The following MOB2 variants were observed in gnomAD, a reference collection of about 807,000 sequenced individuals.
The protein encoded by MOB2 is MOB kinase activator 2, also known as MOB2 Mps One Binder homolog.
In MOB2, 14 loss-of-function variants were observed where a neutral mutation model predicts 27.4. The ratio of observed to expected loss-of-function variants is 0.51; its 90% CI spans 0.34 to 0.80. The LOEUF (loss-of-function observed/expected upper bound fraction) is 0.80, where lower values mean the gene tolerates loss of function less well. Ranked by LOEUF, MOB2 falls within the 30% of genes least tolerant of loss-of-function variation. The pLI is 0.01. For synonymous variants in MOB2, 167 were observed against 151.8 expected, an observed-to-expected ratio of 1.10 and a Z score of -0.74; for missense variants, 304 against 354.6, an observed-to-expected ratio of 0.86 and a Z score of 1.15.
intron 3 of MOB2, among the ~76,000 whole-genome samples, chr11:1,477,308 C>T (rs1305199357): frequency 6.6e-6 from 1 of 152,184 alleles, no homozygotes; most frequent in African/African-American, 2.4e-5. Flanking sequence ...TGGTCACTTC[C>T]TTCCTCGGAG....
intron 3 of MOB2, among the ~76,000 whole-genome samples, 177 bp downstream of exon 3, chr11:1,480,216 T>C (rs1342296219): frequency 6.6e-6 from 1 of 152,214 alleles, no homozygotes; most frequent in Non-Finnish European, 1.5e-5. Flanking sequence ...GCTGGGCCAC[T>C]GGCCCAGCCT....
chr11:1,486,633 G>C lies in MOB2; in HGVS notation c.-77C>G. Reference sequence around the variant, plus strand: ...CCAGCACTCGCAAATGCCTGCTGCCGGGCCCTCCAGCCTCACTCCCTGGCC... The same window carrying C: ...CCAGCACTCGCAAATGCCTGCTGCCCGGCCCTCCAGCCTCACTCCCTGGCC... On this transcript the variant is annotated 5_prime_UTR_variant, in exon 1 of 5. Coordinates refer to ENST00000329957, the MANE Select transcript of MOB2 (RefSeq NM_001172223.3). 1.0e-6 allele frequency: 1 copy of C among 983,566 alleles called. No homozygotes were observed. The highest frequency in any genetic ancestry group is 1.5e-6 in the Non-Finnish European group (1 of 654,966). The allele number at this position is 983,566 out of a possible 1,614,324, so 60.9% of individuals were successfully genotyped here. A position where few individuals can be genotyped will look rare whatever the true frequency, so the allele number is the denominator to read the frequency against.
chr11:1,481,144 C>T (rs1342271060), intron 1 of MOB2: 4 of 616,318 alleles, frequency 6.5e-6, no homozygotes, highest in Admixed American at 4.6e-5. Context: ...CGGGCCCCTG[C>T]ACGGAGGGCA....
chr11:1,469,835 A>C lies in MOB2; in HGVS notation c.*337T>G. ...CCCCACGAGTTCCTCCTTTGAGGCC[A>C]GCAGCACCCGAGGGAGGGCAGGGGC... On this transcript the variant is annotated 3_prime_UTR_variant, in exon 5 of 5. Transcript: ENST00000329957. The C allele has an allele frequency of 1.8e-6, 1 of 564,694 alleles. No individual in the cohort carries two copies. The highest frequency in any genetic ancestry group is 3.4e-6 in the Non-Finnish European group (1 of 298,230). The allele number at this position is 564,694 out of a possible 1,614,324, so 35.0% of individuals were successfully genotyped here. A position where few individuals can be genotyped will look rare whatever the true frequency, so the allele number is the denominator to read the frequency against.
rs767345579 is a variant in MOB2, at chr11:1,481,184, G to A, written c.111-299C>T. On this transcript the variant is annotated intron_variant, in intron 1 of 4. Coordinates refer to ENST00000329957, the MANE Select transcript of MOB2 (RefSeq NM_001172223.3). ...CACCCCTCACCAAGTCCTCCAACCA[G>A]GGAGGGGCCCAGGGTTTAGGGCCCC... 18 of 511,264 alleles carry A rather than the reference G, an allele frequency of 3.5e-5. No individual in the cohort carries two copies. In the Admixed American group the frequency reaches 4.4e-4, roughly 13 times the overall value. The allele number at this position is 511,264 out of a possible 1,614,324, so 31.7% of individuals were successfully genotyped here. A position where few individuals can be genotyped will look rare whatever the true frequency, so the allele number is the denominator to read the frequency against.
In MOB2 at chr11:1,470,153, CCT is replaced by C. The variant is rs747437310; in HGVS notation, c.*17_*18del. The C allele has an allele frequency of 1.8e-5, 29 of 1,573,888 alleles. No homozygotes were observed. The highest frequency in any genetic ancestry group is 2.5e-5 in the Non-Finnish European group (29 of 1,160,520). On this transcript the variant is annotated 3_prime_UTR_variant, in exon 5 of 5. Coordinates refer to ENST00000329957, the MANE Select transcript of MOB2 (RefSeq NM_001172223.3). ...CACCGTCTCTTTGCACACGTGTGCC[CCT>C]GTCCGGCCCGGGGGGCTCATCTCTC...
In MOB2 at chr11:1,470,233, C is replaced by A; in HGVS notation, c.746G>T (p.Gly249Val). 6.2e-7 allele frequency: 1 copy of A among 1,612,440 alleles called. No homozygotes were observed. The highest frequency in any genetic ancestry group is 8.5e-7 in the Non-Finnish European group (1 of 1,179,824). ...CSGAGGVHSGGSGDGAGSGGP... is the reference protein window; with the variant it reads ...CSGAGGVHSGVSGDGAGSGGP... ...CCCGCTGCCGGCCCCATCCCCACTG[C>A]CCCCACTGTGGACCCCGCCGGCCCC... The change falls in exon 5 of 5, where the codon GGC becomes GTC. Residue 249 changes from glycine (G) to valine (V), a missense_variant. Gly to Val is a moderately radical substitution (Grantham distance 109). Coordinates refer to ENST00000329957, the MANE Select transcript of MOB2 (RefSeq NM_001172223.3).
At chr11:1,474,580 T>A (rs997280190) in intron 3 of MOB2, among the ~76,000 whole-genome samples, 9 of 152,264 alleles carry the variant, frequency 5.9e-5, no homozygotes, top group Non-Finnish European at 8.8e-5. Context: ...CCCTTGAATT[T>A]ATTTTGCTCT....
At chr11:1,478,434 T>G (rs1847875622) in intron 3 of MOB2, among the ~76,000 whole-genome samples, 1 of 152,232 alleles carries the variant, frequency 6.6e-6, no homozygotes, top group East Asian at 1.9e-4. Context: ...TGACTGGATG[T>G]GGAATTCTGG....
chr11:1,471,278 T>C lies in MOB2; in HGVS notation c.490+17A>G, dbSNP rs1185615980. 2 of 1,607,534 alleles carry C rather than the reference T, an allele frequency of 1.2e-6. No individual in the cohort carries two copies. The highest frequency in any genetic ancestry group is 1.1e-5 in the South Asian group (1 of 89,846). On this transcript the variant is annotated intron_variant, in intron 4 of 4. Transcript: ENST00000329957. ...CCCCACTGTGAGGATGACCGCCCAG[T>C]GCTGGGGGAGACGAACCGTATTTTG... is the stretch of plus-strand genomic sequence containing the variant.
chr11:1,471,577 A>G, intron 3 of MOB2, 158 bp from the exon 4 acceptor site: 1 of 801,774 alleles, frequency 1.2e-6, no homozygotes, highest in Non-Finnish European at 1.9e-6. Flanking sequence ...CACTGTCCCC[A>G]CACACTGTCT....
chr11:1,471,426 A>C lies in MOB2; in HGVS notation c.366-7T>G, dbSNP rs746773606. ...GTCATACCAGTAGTACTGTCTGTGG[A>C]GACAGAGACACGGTCAGGGCATGCG... On this transcript the variant is annotated splice_polypyrimidine_tract_variant and splice_region_variant and intron_variant, in intron 3 of 4. Transcript: ENST00000329957. The C allele has an allele frequency of 6.2e-6, 10 of 1,608,480 alleles. No homozygotes were observed. The highest frequency in any genetic ancestry group is 3.3e-4 in the Middle Eastern group (2 of 6,056).
chr11:1,485,594 G>A (rs79624868), intron 1 of MOB2, among the ~76,000 whole-genome samples: 3,065 of 152,092 alleles, frequency 0.02, 100 homozygotes, highest in African/African-American at 0.067. Context: ...CGCAGCCCCC[G>A]GCCCTTGGAG....
intron 3 of MOB2, among the ~76,000 whole-genome samples, chr11:1,475,970 C>T (rs879850122): frequency 3.3e-5 from 5 of 152,220 alleles, no homozygotes; most frequent in Admixed American, 3.3e-4. Context: ...CAGCATCACG[C>T]TCTTGCGCTT....
Position 1,474,669 on chromosome 11 carries a change from C to T in MOB2, c.366-3250G>A, listed in dbSNP as rs1847833230. Among the ~76,000 whole-genome samples the T allele has an allele frequency of 2.6e-5, 4 of 151,994 alleles. No homozygotes were observed. The South Asian group carries it at 8.3e-4, about 32-fold the overall frequency. ...CCACACGTTTGTGTGGGGCTGTCTC[C>T]GGACTCTCCATCCACACGTTTGTGT... is the stretch of plus-strand genomic sequence containing the variant. On this transcript the variant is annotated intron_variant, in intron 3 of 4. Transcript: ENST00000329957.
intron 1 of MOB2, among the ~76,000 whole-genome samples, chr11:1,486,056 C>G (rs1230640490): frequency 1.3e-5 from 2 of 152,234 alleles, no homozygotes; most frequent in Non-Finnish European, 2.9e-5. Flanking sequence ...ACAGGCACAC[C>G]TGCTGGCGGC....
chr11:1,476,723 G>C (rs994753419), intron 3 of MOB2, among the ~76,000 whole-genome samples: 2 of 152,154 alleles, frequency 1.3e-5, no homozygotes, highest in Non-Finnish European at 2.9e-5. Flanking sequence ...TTCTAAGAAA[G>C]CATTAATCCT....
At position 1,471,285 on chromosome 11, in the gene MOB2, G is replaced by A; in HGVS notation, c.490+10C>T. 1.9e-6 allele frequency: 3 copies of A among 1,609,576 alleles called. No homozygotes were observed. Among genetic ancestry groups the A allele is most frequent in the South Asian group, 1.1e-5 (1 of 90,364 alleles). On this transcript the variant is annotated intron_variant, in intron 4 of 4. Transcript: ENST00000329957. Reference sequence around the variant, plus strand: ...GTGAGGATGACCGCCCAGTGCTGGGGGAGACGAACCGTATTTTGTGGGGAA... The same window carrying A: ...GTGAGGATGACCGCCCAGTGCTGGGAGAGACGAACCGTATTTTGTGGGGAA...
At chr11:1,477,795 T>C (rs1264838561) in intron 3 of MOB2, among the ~76,000 whole-genome samples, 1 of 152,204 alleles carries the variant, frequency 6.6e-6, no homozygotes, top group Admixed American at 6.5e-5. Context: ...CCGAATGAAA[T>C]ACAACAAATG....
Sources: gnomAD v4.1 joint callset for allele counts (sites outside exome capture counted in the v4.1 genomes callset) on GRCh38, gnomAD v4.1.1 for gene constraint, MANE v1.5 for transcripts, NCBI Gene and HGNC (gene_info 2026-07-23, HGNC 2026-07-21) for gene names.